The following GALM variants were observed in gnomAD, a reference collection of about 807,000 sequenced individuals.
The protein encoded by GALM is aldose 1-epimerase.
In GALM, 43 loss-of-function variants were observed where a neutral mutation model predicts 37.4. That is an observed-to-expected ratio of 1.15 (90% CI 0.90 to 1.48). The LOEUF is 1.48. Among genes scored for constraint, GALM ranks in the 40% most tolerant of loss-of-function variants. The pLI is 0.00. For synonymous variants in GALM, 199 were observed against 170.6 expected (o/e 1.17, Z -1.30); for missense variants, 456 against 419.1 (o/e 1.09, Z -0.77).
chr2:38,667,107 T>C (rs908618334), intron 1 of GALM, among the ~76,000 whole-genome samples: 7 of 152,188 alleles, frequency 4.6e-5, no homozygotes, highest in Non-Finnish European at 7.3e-5. Flanking sequence ...AAATAAAGAA[T>C]GACAATTGCA....
At chr2:38,693,629 G>T (rs1029120121) in intron 4 of GALM, among the ~76,000 whole-genome samples, 1 of 152,184 alleles carries the variant, frequency 6.6e-6, no homozygotes, top group African/African-American at 2.4e-5. Context: ...GTGAGATAAG[G>T]TGAAGCTTTA....
intron 5 of GALM, 30 bp from the exon 6 acceptor site, chr2:38,731,705 T>A: frequency 6.3e-7 from 1 of 1,595,872 alleles, no homozygotes; most frequent in Non-Finnish European, 8.6e-7. Flanking sequence ...TTTTCTGCCC[T>A]GGACTCATGT....
chr2:38,666,221 G>C lies in GALM; in HGVS notation c.60G>C (p.Glu20Asp). 1 of 1,614,114 alleles carries C rather than the reference G, an allele frequency of 6.2e-7. No individual in the cohort carries two copies. The highest frequency in any genetic ancestry group is 2.2e-5 in the East Asian group (1 of 44,872). The change falls in exon 1 of 7, where the codon GAG becomes GAC. Residue 20 changes from glutamate to aspartate, a missense_variant. Glu to Asp is a conservative substitution (Grantham distance 45, BLOSUM62 2). Transcript: ENST00000272252. The part of the protein sequence containing the change: ...GELPSGGGTV[E>D]KFQLQSDLLR... The stretch of plus-strand genomic sequence containing the variant: ...TGCCCTCGGGAGGAGGGACAGTGGA[G>C]AAGTTCCAGCTGCAGTCAGACCTCT...
At chr2:38,719,317 A>G (rs961041763) in intron 4 of GALM, among the ~76,000 whole-genome samples, 1 of 151,678 alleles carries the variant, frequency 6.6e-6, no homozygotes, top group African/African-American at 2.4e-5. Flanking sequence ...TAAAAATACA[A>G]AAATTAGCCA....
rs77777454 is a variant in GALM, at chr2:38,732,444, C to G, written c.951+535C>G. On this transcript the variant is annotated intron_variant, in intron 6 of 6. Transcript: ENST00000272252. ...TGGGATTTACATGGTTTTAAGAAAG[C>G]TGAAATTTTGTACCTTCAAAGCCTT... 3.8e-4 allele frequency among the ~76,000 whole-genome samples: 58 copies of G among 152,324 alleles called. No homozygotes were observed. In the East Asian group the frequency reaches 0.011, roughly 29 times the overall value.
intron 3 of GALM, among the ~76,000 whole-genome samples, chr2:38,687,082 T>C (rs1167570257): frequency 6.6e-6 from 1 of 152,190 alleles, no homozygotes; most frequent in Non-Finnish European, 1.5e-5. Context: ...TGTGTTGAGC[T>C]GAGTAGTGAA....
chr2:38,698,509 T>A, intron 4 of GALM: 1 of 702,112 alleles, frequency 1.4e-6, no homozygotes, highest in Non-Finnish European at 2.0e-6. Context: ...TATTCTTAGC[T>A]ACTTAAAAAA....
intron 6 of GALM, 56 bp downstream of exon 6, chr2:38,731,965 GAC>G: frequency 1.5e-6 from 2 of 1,375,874 alleles, no homozygotes; most frequent in Admixed American, 3.5e-5. Context: ...CACACTGTAC[GAC>G]AGAGTTCACT....
At chr2:38,683,347 G>A (rs1179521992) in intron 3 of GALM, among the ~76,000 whole-genome samples, 3 of 152,072 alleles carry the variant, frequency 2.0e-5, no homozygotes, top group Non-Finnish European at 2.9e-5. Context: ...ACTTCCTTCC[G>A]TATACCACAG....
At chr2:38,732,106 C>T (rs1666620985) in intron 6 of GALM, among the ~76,000 whole-genome samples, 197 bp downstream of exon 6, 1 of 152,018 alleles carries the variant, frequency 6.6e-6, no homozygotes, top group South Asian at 2.1e-4. Context: ...CTGCAACCTC[C>T]GCCTCCTGGG....
intron 3 of GALM, 66 bp downstream of exon 3, chr2:38,681,552 A>G: frequency 2.2e-6 from 3 of 1,339,028 alleles, no homozygotes; most frequent in Non-Finnish European, 3.2e-6. Context: ...GTGGCTAGAG[A>G]GATCAGAGTA....
intron 4 of GALM, among the ~76,000 whole-genome samples, chr2:38,706,594 T>G (rs990070012): frequency 2.0e-5 from 3 of 151,136 alleles, no homozygotes; most frequent in Non-Finnish European, 2.9e-5. Flanking sequence ...GCTCAAGGAT[T>G]CCTTGAGCCA....
chr2:38,728,392 CAAAAA>C (rs11464719), intron 4 of GALM, among the ~76,000 whole-genome samples: 2 of 141,414 alleles, frequency 1.4e-5, no homozygotes, highest in Admixed American at 1.4e-4. Flanking sequence ...AACTCTGTCT[CAAAAA>C]AAAAAAACTT....
intron 4 of GALM, among the ~76,000 whole-genome samples, chr2:38,694,759 T>A (rs1215363907): frequency 1.3e-5 from 2 of 151,586 alleles, no homozygotes; most frequent in East Asian, 3.9e-4. Flanking sequence ...TAGCCAGGCG[T>A]GGTGGCAGGC....
chr2:38,726,931 A>G (rs1043092489), intron 4 of GALM, among the ~76,000 whole-genome samples: 6 of 148,992 alleles, frequency 4.0e-5, no homozygotes, highest in Admixed American at 1.3e-4. Context: ...AATATTCCCT[A>G]TTTAAAAATT....
rs1174731499 is a variant in GALM at position 38,666,364 on chromosome 2, G to A, written c.190+13G>A. 3.7e-6 allele frequency: 6 copies of A among 1,600,818 alleles called. No homozygotes were observed. The highest frequency in any genetic ancestry group is 2.2e-5 in the East Asian group (1 of 44,492). On this transcript the variant is annotated intron_variant, in intron 1 of 6. Coordinates refer to ENST00000272252, the MANE Select transcript of GALM (RefSeq NM_138801.3). The stretch of plus-strand genomic sequence containing the variant: ...GCCGAGTTGGAAGGTGGGTTGAACT[G>A]TGCCCTGGGCTGCGAGCAGGCCCCA...
chr2:38,690,210 G>A lies in GALM; in HGVS notation c.634+316G>A, dbSNP rs191091823. Among the ~76,000 whole-genome samples the A allele has an allele frequency of 9.9e-5, 15 of 152,092 alleles. No homozygotes were observed. The Middle Eastern group carries it at 0.01, about 103-fold the overall frequency. ...ACTGGGGCTGGGCGCGGTGGCTCAC[G>A]CCTGTAATCCCAGCACTTTGAGAGG... On this transcript the variant is annotated intron_variant, in intron 4 of 6. Coordinates refer to ENST00000272252, the MANE Select transcript of GALM (RefSeq NM_138801.3).
intron 4 of GALM, among the ~76,000 whole-genome samples, chr2:38,728,255 G>A (rs1041480488): frequency 1.6e-4 from 24 of 151,476 alleles, no homozygotes; most frequent in Admixed American, 2.6e-4. Flanking sequence ...TTAGCTGGGC[G>A]TGGTGGTGTG....
rs114039092 is a variant in GALM at position 38,731,813 on chromosome 2, C to T, written c.855C>T (p.Phe285=). Residue 285 remains phenylalanine, a synonymous_variant, in exon 6 of 7, where the codon TTC becomes TTT. Coordinates refer to ENST00000272252, the MANE Select transcript of GALM (RefSeq NM_138801.3). ...QPGVQFYTGN[F]LDGTLKGKNG... ...GGGTCCAGTTTTACACGGGCAACTT[C>T]CTGGATGGCACATTAAAGGGCAAGA... 1.4e-3 allele frequency: 2,324 copies of T among 1,614,058 alleles called. 3 individuals carry two copies. The highest frequency in any genetic ancestry group is 1.6e-3 in the Non-Finnish European group (1,928 of 1,179,946).
Sources: gnomAD v4.1 joint callset for allele counts (sites outside exome capture counted in the v4.1 genomes callset) on GRCh38, gnomAD v4.1.1 for gene constraint, MANE v1.5 for transcripts, NCBI Gene and HGNC (gene_info 2026-07-23, HGNC 2026-07-21) for gene names.